MARK4: variants seen among roughly 807,000 people sequenced by gnomAD.
MARK4 encodes the protein microtubule affinity regulating kinase 4, also known as MAP/microtubule affinity-regulating kinase 4.
Under a neutral mutation model 81.5 loss-of-function variants are expected in MARK4, and 19 were observed. The ratio of observed to expected loss-of-function variants is 0.23; its 90% confidence interval spans 0.16 to 0.34. MARK4 has a LOEUF of 0.34. Among genes scored for constraint, MARK4 ranks in the 10% least tolerant of loss-of-function variants. The pLI is 1.00. For synonymous variants in MARK4, 436 were observed against 439.0 expected (o/e 0.99, Z 0.08); for missense variants, 772 against 1,058.8 (o/e 0.73, Z 3.76).
chr19:45,301,879 A>G (rs1311417164), intron 16 of MARK4, among the ~76,000 whole-genome samples: 3 of 148,972 alleles, frequency 2.0e-5, no homozygotes, highest in Non-Finnish European at 4.5e-5. Flanking sequence ...AAAAAAAAAA[A>G]AAAGAAAAGG....
chr19:45,268,461 A>G (rs762764692), intron 7 of MARK4, among the ~76,000 whole-genome samples: 2 of 151,938 alleles, frequency 1.3e-5, no homozygotes, highest in South Asian at 2.1e-4. Context: ...GCGCGTGCCT[A>G]TAATTCCAGC....
intron 9 of MARK4, 76 bp from the exon 10 acceptor site, chr19:45,278,440 G>C: frequency 7.6e-7 from 1 of 1,323,038 alleles, no homozygotes; most frequent in Non-Finnish European, 1.1e-6. Flanking sequence ...GGAGGTTTGG[G>C]GCAGGGCAGA....
Position 45,271,425 on chromosome 19 carries a change from C to T in MARK4, c.550-47C>T. On this transcript the variant is annotated intron_variant, in intron 7 of 16. Transcript: ENST00000262891. The surrounding 1 kb of genome is among the most constrained non-coding windows in gnomAD (Gnocchi z 4.1). ...GTCTGCCTCCCACGTCCATGAAAGG[C>T]TTTGGCCTTGAGTCCCACTTTCCGC... The T allele has an allele frequency of 1.3e-6, 2 of 1,585,118 alleles. No homozygotes were observed. The highest frequency in any genetic ancestry group is 1.7e-6 in the Non-Finnish European group (2 of 1,159,248).
intron 12 of MARK4, among the ~76,000 whole-genome samples, chr19:45,282,865 G>A (rs911625587): frequency 3.3e-5 from 5 of 151,536 alleles, no homozygotes; most frequent in Non-Finnish European, 4.4e-5. Context: ...GGTAGTACAC[G>A]CCTGTGGTCC....
At chr19:45,273,250 T>G (rs537813232) in intron 8 of MARK4, among the ~76,000 whole-genome samples, 1 of 152,340 alleles carries the variant, frequency 6.6e-6, no homozygotes, top group African/African-American at 2.4e-5. Flanking sequence ...ATCGCTGGCC[T>G]GTGTCCACAT....
chr19:45,299,700 G>C, intron 15 of MARK4, 111 bp from the exon 16 acceptor site: 1 of 877,022 alleles, frequency 1.1e-6, no homozygotes, highest in Admixed American at 2.9e-5. Context: ...TCACCAGCCC[G>C]GAGGGACTGG....
chr19:45,275,437 A>C (rs1205240995), intron 8 of MARK4, among the ~76,000 whole-genome samples: 1 of 151,902 alleles, frequency 6.6e-6, no homozygotes, highest in Non-Finnish European at 1.5e-5. Context: ...GCGAACTATG[A>C]TCACGCCACT....
At chr19:45,255,559 CAAAAA>C (rs34066317) in intron 1 of MARK4, among the ~76,000 whole-genome samples, 1 of 90,268 alleles carries the variant, frequency 1.1e-5, no homozygotes, top group African/African-American at 5.3e-5. Context: ...GAAACTCTGC[CAAAAA>C]AAAAAAAAAA....
intron 13 of MARK4, among the ~76,000 whole-genome samples, chr19:45,293,423 CAATA>C (rs1423540678): frequency 6.6e-6 from 1 of 152,074 alleles, no homozygotes; most frequent in Non-Finnish European, 1.5e-5. Context: ...TACTTTGTGC[CAATA>C]AATTTAACAG....
chr19:45,272,434 C>T (rs1317967592), intron 8 of MARK4, among the ~76,000 whole-genome samples: 1 of 152,172 alleles, frequency 6.6e-6, no homozygotes, highest in Non-Finnish European at 1.5e-5. Flanking sequence ...CATAAGGCCA[C>T]AGAATGTATG....
intron 14 of MARK4, among the ~76,000 whole-genome samples, chr19:45,295,930 A>G (rs1375392272): frequency 6.6e-6 from 1 of 152,220 alleles, no homozygotes; most frequent in East Asian, 1.9e-4. Flanking sequence ...TTATCAAATA[A>G]CAATAGTGAA....
rs1365552587 is a variant in MARK4 at position 45,297,821 on chromosome 19, G to A, written c.1744G>A (p.Gly582Arg). Residue 582 changes from glycine to arginine, a missense_variant, in exon 15 of 17, where the codon GGG becomes AGG. Gly to Arg is a moderately radical substitution (Grantham distance 125, BLOSUM62 -2). Around this residue, in one of 3 missense-constraint regions of MARK4, gnomAD observed 548 missense variants for 624.3 expected, o/e 0.88. Transcript: ENST00000262891. Reference sequence around the variant, plus strand: ...GGTCCGGGACCGGCGGGCAGGGGGTGGGGGTGGTGGGGGTGTGCAGAATGG... The same window carrying A: ...GGTCCGGGACCGGCGGGCAGGGGGTAGGGGTGGTGGGGGTGTGCAGAATGG... Reference protein sequence around the residue: ...GQVRDRRAGGGGGGGVQNGPP... With the variant: ...GQVRDRRAGGRGGGGVQNGPP... 1.3e-6 allele frequency: 2 copies of A among 1,540,904 alleles called. No homozygotes were observed. The highest frequency in any genetic ancestry group is 8.8e-7 in the Non-Finnish European group (1 of 1,141,750).
chr19:45,303,418 TAAA>T lies in MARK4; in HGVS notation c.*709_*711del, dbSNP rs2123121731. 1 of 152,286 alleles carries T rather than the reference TAAA, an allele frequency of 6.6e-6. No individual in the cohort carries two copies. The highest frequency in any genetic ancestry group is 2.4e-5 in the African/African-American group (1 of 41,506). 9.4% of individuals were successfully genotyped at this position (152,286 alleles called of 1,614,324 possible). On this transcript the variant is annotated 3_prime_UTR_variant, in exon 17 of 17. Coordinates refer to ENST00000262891, the MANE Select transcript of MARK4 (RefSeq NM_001199867.2). ...TCCCTGCCCTCACCTGCAAATGAGT[TAAA>T]GAAGAGGCGTGGGAATCCAGGCAGT... is the stretch of plus-strand genomic sequence containing the variant.
chr19:45,303,727 GCT>G lies in MARK4; in HGVS notation c.*1020_*1021del, dbSNP rs1971012042. The G allele has an allele frequency of 6.6e-6, 1 of 152,070 alleles. No homozygotes were observed. The highest frequency in any genetic ancestry group is 2.4e-5 in the African/African-American group (1 of 41,294). The allele number at this position is 152,070 out of a possible 1,614,324, so 9.4% of individuals were successfully genotyped here. A position where few individuals can be genotyped will look rare whatever the true frequency, so the allele number is the denominator to read the frequency against. ...CCAGTGCTGGACACAGAGACATGAA[GCT>G]CTGTCTGTGGGAGACAGGGATTCTG... On this transcript the variant is annotated 3_prime_UTR_variant, in exon 17 of 17. Transcript: ENST00000262891.
chr19:45,269,975 C>G (rs1160882476), intron 7 of MARK4, among the ~76,000 whole-genome samples: 1 of 152,022 alleles, frequency 6.6e-6, no homozygotes, highest in African/African-American at 2.4e-5. Context: ...TTACAGGCAC[C>G]CGCCACCACG....
At chr19:45,263,818 C>A (rs555908574) in intron 4 of MARK4, among the ~76,000 whole-genome samples, 1 of 151,854 alleles carries the variant, frequency 6.6e-6, no homozygotes, top group South Asian at 2.1e-4. Context: ...TTGGGCAAGT[C>A]ACTTAACCTC....
At chr19:45,254,874 C>T (rs1784480015) in intron 1 of MARK4, among the ~76,000 whole-genome samples, 1 of 152,206 alleles carries the variant, frequency 6.6e-6, no homozygotes, top group Non-Finnish European at 1.5e-5. Context: ...CCTGTTTACA[C>T]AGGACTTGGT....
chr19:45,277,528 G>A (rs1055554354), intron 8 of MARK4, among the ~76,000 whole-genome samples: 2 of 147,962 alleles, frequency 1.4e-5, no homozygotes, highest in Non-Finnish European at 3.0e-5. Flanking sequence ...GCCTCCCAAC[G>A]TGTTTGGATT....
chr19:45,298,248 C>T (rs747803372), intron 15 of MARK4: 12 of 1,611,582 alleles, frequency 7.4e-6, no homozygotes, highest in Middle Eastern at 3.3e-4. Flanking sequence ...GCCCTGTTCT[C>T]GCTGGCTCTG....
Sources: gnomAD v4.1 joint callset for allele counts (sites outside exome capture counted in the v4.1 genomes callset) on GRCh38, gnomAD v4.1.1 for gene constraint, gnomAD v4.1.1 regional missense constraint, Gnocchi (gnomAD v3.1) non-coding constraint, MANE v1.5 for transcripts, NCBI Gene and HGNC (gene_info 2026-07-23, HGNC 2026-07-21) for gene names.